Variants in ELAVL2 observed in about 807,000 individuals in gnomAD.
ELAVL2 encodes the protein ELAV like RNA binding protein 2.
In ELAVL2, 4 loss-of-function variants were observed where a neutral mutation model predicts 34.6. That is an observed-to-expected ratio of 0.12 (90% CI 0.06 to 0.26). The LOEUF (loss-of-function observed/expected upper bound fraction) is 0.26, where lower values mean the gene tolerates loss of function less well. Among genes scored for constraint, ELAVL2 ranks in the 10% least tolerant of loss-of-function variants. The pLI is 1.00. For synonymous variants in ELAVL2, 193 were observed against 154.8 expected (o/e 1.25, Z -1.83); for missense variants, 432 against 442.8 (o/e 0.98, Z 0.22).
intron 1 of ELAVL2, among the ~76,000 whole-genome samples, chr9:23,801,183 G>A (rs573832413): frequency 9.9e-5 from 15 of 152,198 alleles, no homozygotes; most frequent in African/African-American, 3.6e-4. Context: ...GAATACTGAA[G>A]TATGAAATAA....
chr9:23,701,843 T>A (rs2037353758), intron 4 of ELAVL2, among the ~76,000 whole-genome samples: 1 of 152,200 alleles, frequency 6.6e-6, no homozygotes. Context: ...GTACCCATTA[T>A]CACATGCATT....
chr9:23,840,403 T>G, the ELAVL2 span, among the ~76,000 whole-genome samples: 1 of 149,970 alleles, frequency 6.7e-6, no homozygotes, highest in African/African-American at 2.4e-5. Context: ...CACATATGTG[T>G]ATGAAAAGCT....
chr9:23,701,766 C>G (rs2037325033), intron 4 of ELAVL2, among the ~76,000 whole-genome samples, 162 bp from the exon 5 acceptor site: 1 of 152,170 alleles, frequency 6.6e-6, no homozygotes, highest in Non-Finnish European at 1.5e-5. Flanking sequence ...CCTTTACTTA[C>G]TAGCCATTCA....
Position 23,768,447 on chromosome 9 carries a change from T to C in ELAVL2, c.-15-6198A>G, listed in dbSNP as rs529710751. On this transcript the variant is annotated intron_variant, in intron 1 of 6. Coordinates refer to ENST00000397312, the MANE Select transcript of ELAVL2 (RefSeq NM_004432.5). Reference sequence around the variant, plus strand: ...AAATGTGTACAAACTAGGTAACTTTTTTTTTTTTTTTTACTTTTTACAAAT... The same window carrying C: ...AAATGTGTACAAACTAGGTAACTTTCTTTTTTTTTTTTACTTTTTACAAAT... Among the ~76,000 whole-genome samples, 18 of 151,880 alleles carry C rather than the reference T, an allele frequency of 1.2e-4. No homozygotes were observed. In the South Asian group the frequency reaches 3.8e-3, roughly 32 times the overall value.
intron 1 of ELAVL2, among the ~76,000 whole-genome samples, chr9:23,782,526 C>T (rs2059200976): frequency 6.6e-6 from 1 of 152,044 alleles, no homozygotes; most frequent in East Asian, 1.9e-4. Flanking sequence ...GAGCCAAGAT[C>T]CTGCCACCAC....
intron 1 of ELAVL2, among the ~76,000 whole-genome samples, chr9:23,766,705 T>C (rs975423393): frequency 6.6e-6 from 1 of 152,118 alleles, no homozygotes; most frequent in Non-Finnish European, 1.5e-5. Flanking sequence ...GGCAGACACA[T>C]ACCTTTATGG....
chr9:23,756,161 C>T (rs1470856448), intron 2 of ELAVL2, among the ~76,000 whole-genome samples: 1 of 152,010 alleles, frequency 6.6e-6, no homozygotes, highest in Non-Finnish European at 1.5e-5. Flanking sequence ...AGGATCAAAA[C>T]TAGCTGTAAA....
At chr9:23,817,825 T>C (rs2063932038) in intron 1 of ELAVL2, among the ~76,000 whole-genome samples, 1 of 152,194 alleles carries the variant, frequency 6.6e-6, no homozygotes, top group Admixed American at 6.5e-5. Flanking sequence ...TTACGCAAAC[T>C]TTGACTTTTA....
the ELAVL2 span, among the ~76,000 whole-genome samples, chr9:23,832,494 A>G: frequency 1.3e-5 from 2 of 152,186 alleles, no homozygotes; most frequent in African/African-American, 4.8e-5. Context: ...TAATATATGT[A>G]ATGACCAGCA....
At chr9:23,763,394 C>G (rs1174299640) in intron 1 of ELAVL2, among the ~76,000 whole-genome samples, 1 of 152,100 alleles carries the variant, frequency 6.6e-6, no homozygotes, top group Non-Finnish European at 1.5e-5. Context: ...ACAGCCAAGA[C>G]TGTGGTGGAA....
At chr9:23,748,822 GA>G (rs1209884737) in intron 2 of ELAVL2, among the ~76,000 whole-genome samples, 2 of 152,002 alleles carry the variant, frequency 1.3e-5, no homozygotes, top group African/African-American at 4.8e-5. Flanking sequence ...AGCCCAAGGG[GA>G]AAAAAACTAG....
At chr9:23,706,017 T>C (rs540549942) in intron 3 of ELAVL2, among the ~76,000 whole-genome samples, 85 of 152,334 alleles carry the variant, frequency 5.6e-4, no homozygotes, top group Non-Finnish European at 1.1e-3. Context: ...TTTTGATATA[T>C]GCTGTATGAT....
At chr9:23,797,375 T>G (rs1219300717) in intron 1 of ELAVL2, among the ~76,000 whole-genome samples, 2 of 152,174 alleles carry the variant, frequency 1.3e-5, no homozygotes, top group Admixed American at 6.5e-5. Context: ...ACAGGAACAG[T>G]GTAAATATAA....
At chr9:23,764,548 T>C (rs775673251) in intron 1 of ELAVL2, among the ~76,000 whole-genome samples, 1 of 152,206 alleles carries the variant, frequency 6.6e-6, no homozygotes, top group Non-Finnish European at 1.5e-5. Context: ...GTTCACAGAA[T>C]GCAAACTCTT....
At chr9:23,747,366 T>C (rs1383958697) in intron 2 of ELAVL2, among the ~76,000 whole-genome samples, 4 of 152,126 alleles carry the variant, frequency 2.6e-5, no homozygotes, top group Non-Finnish European at 4.4e-5. Flanking sequence ...TTTAACACTA[T>C]GGTTGACCAC....
chr9:23,780,695 T>G (rs999742882), intron 1 of ELAVL2, among the ~76,000 whole-genome samples: 11 of 152,160 alleles, frequency 7.2e-5, no homozygotes, highest in Non-Finnish European at 1.6e-4. Context: ...ACCCAAAACA[T>G]AAGCACTATT....
intron 2 of ELAVL2, among the ~76,000 whole-genome samples, chr9:23,757,403 C>G (rs77914961): frequency 1.3e-5 from 2 of 152,032 alleles, no homozygotes; most frequent in Non-Finnish European, 2.9e-5. Context: ...CCTACTCTAC[C>G]GCTTAATAGC....
intron 4 of ELAVL2, among the ~76,000 whole-genome samples, chr9:23,702,972 A>AAAAAC (rs1422754545): frequency 2.0e-5 from 3 of 147,082 alleles, no homozygotes; most frequent in African/African-American, 5.0e-5. Context: ...AAAAAAAAAA[A>AAAAAC]AAAAAAAAAC....
intron 5 of ELAVL2, among the ~76,000 whole-genome samples, chr9:23,698,880 T>C (rs1447131376): frequency 1.2e-4 from 18 of 152,156 alleles, no homozygotes; most frequent in Admixed American, 1.0e-3. Context: ...TCAAACACTA[T>C]CTCTGAGCAC....
Sources: allele counts gnomAD v4.1 joint callset (sites outside exome capture counted in the v4.1 genomes callset), GRCh38; gene constraint gnomAD v4.1.1; transcripts MANE v1.5; gene names NCBI Gene and HGNC (gene_info 2026-07-23, HGNC 2026-07-21).